CTNNA3: variants seen among roughly 807,000 people sequenced by gnomAD.
CTNNA3 encodes the protein catenin alpha 3.
Under a neutral mutation model 95.7 loss-of-function variants are expected in CTNNA3, and 76 were observed. The ratio of observed to expected loss-of-function variants is 0.79; its 90% CI spans 0.66 to 0.96. The LOEUF (loss-of-function observed/expected upper bound fraction) is 0.96. Ranked by LOEUF, CTNNA3 falls within the 40% of genes least tolerant of loss-of-function variation. CTNNA3 has a pLI of 0.00. For synonymous variants in CTNNA3, 431 were observed against 374.4 expected, an observed-to-expected ratio of 1.15 and a Z score of -1.74; for missense variants, 1,191 against 1,089.8, an observed-to-expected ratio of 1.09 and a Z score of -1.31.
At chr10:66,825,472 T>C (rs1807133726) in intron 7 of CTNNA3, among the ~76,000 whole-genome samples, 1 of 151,650 alleles carries the variant, frequency 6.6e-6, no homozygotes. Context: ...GATGGAGTTT[T>C]GCTTTATGTT....
intron 3 of CTNNA3, among the ~76,000 whole-genome samples, chr10:67,558,351 T>C (rs1841333119): frequency 6.6e-6 from 1 of 152,234 alleles, no homozygotes; most frequent in Non-Finnish European, 1.5e-5. Context: ...GTTTGACACC[T>C]CTTCCACCCA....
intron 9 of CTNNA3, among the ~76,000 whole-genome samples, chr10:66,702,767 A>ATCG (rs1847995427): frequency 8.0e-6 from 1 of 125,408 alleles, no homozygotes; most frequent in African/African-American, 3.6e-5. Flanking sequence ...AGTAGTAGCC[A>ATCG]TCGTCGTCGT....
rs997677169 is a variant in CTNNA3, at chr10:66,200,184, G to A, written c.1884+80286C>T. Among the ~76,000 whole-genome samples, 9 of 150,044 alleles carry A rather than the reference G, an allele frequency of 6.0e-5. No individual in the cohort carries two copies. In the East Asian group the frequency reaches 7.9e-4, roughly 13 times the overall value. Reference sequence around the variant, plus strand: ...AGGCCTGGGTTGTTTCCAAGAAATCGCCTGAAAGTGGTTTCATGGAGAAGA... The same window carrying A: ...AGGCCTGGGTTGTTTCCAAGAAATCACCTGAAAGTGGTTTCATGGAGAAGA... On this transcript the variant is annotated intron_variant, in intron 13 of 17. Transcript: ENST00000433211.
intron 13 of CTNNA3, among the ~76,000 whole-genome samples, chr10:66,154,120 A>G (rs2133912767): frequency 6.6e-6 from 1 of 152,036 alleles, no homozygotes; most frequent in East Asian, 1.9e-4. Flanking sequence ...GATGGTAGTA[A>G]TTATTGTCCA....
At chr10:66,128,763 G>A (rs2082944704) in intron 13 of CTNNA3, among the ~76,000 whole-genome samples, 1 of 152,114 alleles carries the variant, frequency 6.6e-6, no homozygotes, top group Non-Finnish European at 1.5e-5. Flanking sequence ...ACACCCTGAT[G>A]TAAGGTACAG....
chr10:66,055,483 G>A (rs967770802), intron 15 of CTNNA3, among the ~76,000 whole-genome samples: 1 of 151,954 alleles, frequency 6.6e-6, no homozygotes, highest in African/African-American at 2.4e-5. Flanking sequence ...CTATTGTAAT[G>A]GGATTACTTT....
intron 7 of CTNNA3, among the ~76,000 whole-genome samples, chr10:66,874,268 G>A (rs1036793650): frequency 8.5e-5 from 13 of 152,050 alleles, no homozygotes; most frequent in African/African-American, 2.7e-4. Flanking sequence ...GGAAACTCTG[G>A]CCAACTACCG....
chr10:66,027,783 C>G (rs75754449), intron 15 of CTNNA3, among the ~76,000 whole-genome samples: 2 of 152,114 alleles, frequency 1.3e-5, no homozygotes, highest in Non-Finnish European at 2.9e-5. Context: ...CAACGCCACC[C>G]CACTCCAATT....
At chr10:67,379,984 G>GCACTC (rs1843866576) in intron 5 of CTNNA3, among the ~76,000 whole-genome samples, 2 of 130,176 alleles carry the variant, frequency 1.5e-5, no homozygotes, top group African/African-American at 5.9e-5. Flanking sequence ...TCCCGCCACT[G>GCACTC]CACTCCAGCC....
intron 1 of CTNNA3, among the ~76,000 whole-genome samples, chr10:67,658,021 T>C (rs1223525099): frequency 1.3e-5 from 2 of 152,090 alleles, no homozygotes; most frequent in African/African-American, 4.8e-5. Context: ...CAGCAGCCCA[T>C]GTGAGACATC....
At position 67,727,138 on chromosome 10, in the gene CTNNA3, A is replaced by G. The variant is rs192349816; in HGVS notation, c.-2+36296T>C. Among the ~76,000 whole-genome samples the G allele has an allele frequency of 7.9e-3, 955 of 121,132 alleles. 31 individuals are homozygous for G. Among genetic ancestry groups the G allele is most frequent in the African/African-American group, 0.03 (913 of 30,898 alleles). The allele number at this position is 121,132 out of a possible 152,430, so 79.5% of individuals were successfully genotyped here. Reference sequence around the variant, plus strand: ...ATATGATATAATTATATAATATATGATACATATATTATATAATTATATATA... The same window carrying G: ...ATATGATATAATTATATAATATATGGTACATATATTATATAATTATATATA... On this transcript the variant is annotated intron_variant, in intron 1 of 17. Transcript: ENST00000684154.
chr10:67,415,691 C>T (rs1193673481), intron 5 of CTNNA3, among the ~76,000 whole-genome samples: 1 of 151,932 alleles, frequency 6.6e-6, no homozygotes, highest in Admixed American at 6.6e-5. Context: ...ATAGCCAAAA[C>T]AATACTAAGC....
At chr10:67,183,729 C>A (rs1862698305) in intron 6 of CTNNA3, among the ~76,000 whole-genome samples, 1 of 151,076 alleles carries the variant, frequency 6.6e-6, no homozygotes, top group Non-Finnish European at 1.5e-5. Context: ...TGAGGGTACT[C>A]CAAAAAGTTC....
At chr10:66,423,816 A>C (rs2093216882) in intron 11 of CTNNA3, among the ~76,000 whole-genome samples, 1 of 152,184 alleles carries the variant, frequency 6.6e-6, no homozygotes, top group African/African-American at 2.4e-5. Context: ...TATTCTAAAA[A>C]ATAAAGTTGT....
At chr10:67,433,612 A>T (rs1409709119) in intron 5 of CTNNA3, among the ~76,000 whole-genome samples, 1 of 152,090 alleles carries the variant, frequency 6.6e-6, no homozygotes, top group African/African-American at 2.4e-5. Context: ...CCTTTATCAA[A>T]CACATTGAAC....
At chr10:66,713,028 A>G (rs1431161039) in intron 9 of CTNNA3, among the ~76,000 whole-genome samples, 1 of 152,110 alleles carries the variant, frequency 6.6e-6, no homozygotes, top group East Asian at 1.9e-4. Flanking sequence ...ACCTTAAGTA[A>G]GGGGTCCTCT....
At chr10:67,742,197 C>T (rs1313255978) in intron 1 of CTNNA3, among the ~76,000 whole-genome samples, 1 of 151,272 alleles carries the variant, frequency 6.6e-6, no homozygotes, top group African/African-American at 2.4e-5. Context: ...ACAGAATATA[C>T]ATTCTTCTCA....
At chr10:67,680,426 C>G (rs897105447) in intron 1 of CTNNA3, among the ~76,000 whole-genome samples, 4 of 152,196 alleles carry the variant, frequency 2.6e-5, no homozygotes, top group Admixed American at 6.5e-5. Context: ...TTTCACCAAT[C>G]AATCATGGCT....
At chr10:67,209,050 G>T (rs1589866205) in intron 6 of CTNNA3, among the ~76,000 whole-genome samples, 1 of 108,048 alleles carries the variant, frequency 9.3e-6, no homozygotes, top group African/African-American at 5.1e-5. Context: ...ATTTTTTGTT[G>T]TTGTTGTTGT....
Sources: gnomAD v4.1 joint callset for allele counts (sites outside exome capture counted in the v4.1 genomes callset) on GRCh38, gnomAD v4.1.1 for gene constraint, MANE v1.5 for transcripts, NCBI Gene and HGNC (gene_info 2026-07-23, HGNC 2026-07-21) for gene names.